The following GAS2 variants were observed in gnomAD, a reference collection of about 807,000 sequenced individuals.
GAS2 encodes the protein growth arrest-specific protein 2.
A neutral mutation model predicts 37.5 loss-of-function variants in GAS2; 20 were observed. The observed-to-expected ratio is 0.53, with a 90% confidence interval of 0.37 to 0.77. The LOEUF (loss-of-function observed/expected upper bound fraction) is 0.77. Ranked by LOEUF, GAS2 falls within the 30% of genes least tolerant of loss-of-function variation. The pLI is 0.00. For missense variants in GAS2, 336 were observed against 373.4 expected, an observed-to-expected ratio of 0.90 and a Z score of 0.82; for synonymous variants, 144 against 132.2, an observed-to-expected ratio of 1.09 and a Z score of -0.61.
chr11:22,667,736 G>A (rs138965896), intron 1 of GAS2, among the ~76,000 whole-genome samples: 29 of 152,306 alleles, frequency 1.9e-4, no homozygotes, highest in African/African-American at 5.5e-4. Context: ...GAGCAAAAGC[G>A]AGGGTTAACA....
chr11:22,653,075 T>C (rs1334961383), intron 1 of GAS2, among the ~76,000 whole-genome samples: 1 of 143,596 alleles, frequency 7.0e-6, no homozygotes, highest in Non-Finnish European at 1.6e-5. Context: ...TTTTGCTTTC[T>C]CTCTCTCTCC....
chr11:22,730,102 T>C (rs1433377893), intron 4 of GAS2, among the ~76,000 whole-genome samples: 2 of 151,810 alleles, frequency 1.3e-5, no homozygotes, highest in Admixed American at 1.3e-4. Flanking sequence ...TTCTTGAAAC[T>C]ATTTAAGGAT....
At chr11:22,776,533 G>A (rs147721845) in intron 7 of GAS2, among the ~76,000 whole-genome samples, 45 of 152,272 alleles carry the variant, frequency 3.0e-4, no homozygotes, top group African/African-American at 1.0e-3. Context: ...TTGTGATTGA[G>A]TTAAATCAGT....
At chr11:22,669,708 G>T (rs1057331224) in intron 1 of GAS2, among the ~76,000 whole-genome samples, 2 of 152,206 alleles carry the variant, frequency 1.3e-5, no homozygotes, top group Middle Eastern at 3.4e-3. Flanking sequence ...TTATTGTAAG[G>T]TTCCTTTCAA....
intron 6 of GAS2, among the ~76,000 whole-genome samples, chr11:22,753,338 C>T (rs554761959): frequency 1.3e-5 from 2 of 152,144 alleles, no homozygotes; most frequent in South Asian, 4.1e-4. Flanking sequence ...CAAAAACAGC[C>T]CTTGACTTTT....
At chr11:22,780,266 G>A (rs769452509) in intron 7 of GAS2, among the ~76,000 whole-genome samples, 4 of 152,146 alleles carry the variant, frequency 2.6e-5, no homozygotes, top group Non-Finnish European at 4.4e-5. Flanking sequence ...GAAGGCTGAG[G>A]CAGGTGGATC....
intron 6 of GAS2, among the ~76,000 whole-genome samples, chr11:22,752,689 G>GA (rs969330545): frequency 6.8e-4 from 101 of 147,488 alleles, no homozygotes; most frequent in Admixed American, 8.8e-4. Flanking sequence ...TAAAAGAAGG[G>GA]AAAAAAAAAC....
chr11:22,667,630 T>C (rs1038675203), intron 1 of GAS2, among the ~76,000 whole-genome samples: 1 of 152,236 alleles, frequency 6.6e-6, no homozygotes, highest in African/African-American at 2.4e-5. Flanking sequence ...ACATTATTTA[T>C]ACTGGCAAAA....
chr11:22,629,298 G>C (rs984819407), intron 1 of GAS2, among the ~76,000 whole-genome samples: 1 of 152,114 alleles, frequency 6.6e-6, no homozygotes, highest in South Asian at 2.1e-4. Context: ...CAGTGTATAA[G>C]CATTGCCTTT....
At chr11:22,755,118 T>G (rs1157022875) in intron 6 of GAS2, among the ~76,000 whole-genome samples, 1 of 152,120 alleles carries the variant, frequency 6.6e-6, no homozygotes, top group Non-Finnish European at 1.5e-5. Flanking sequence ...ATTCATAAGC[T>G]TTATGCACAT....
chr11:22,775,180 C>T (rs79204005), intron 7 of GAS2, among the ~76,000 whole-genome samples: 3,623 of 152,214 alleles, frequency 0.024, 51 homozygotes, highest in Non-Finnish European at 0.036. Flanking sequence ...AATTTTTAGA[C>T]GAGGAGAAAC....
At chr11:22,707,689 C>A (rs1382839158) in intron 3 of GAS2, among the ~76,000 whole-genome samples, 1 of 151,958 alleles carries the variant, frequency 6.6e-6, no homozygotes, top group African/African-American at 2.4e-5. Flanking sequence ...GGTGAGTGAA[C>A]CAAATATTAA....
intron 1 of GAS2, among the ~76,000 whole-genome samples, chr11:22,635,421 C>T (rs967431326): frequency 1.2e-4 from 19 of 152,206 alleles, no homozygotes; most frequent in Non-Finnish European, 1.5e-5. Context: ...CACCTGGCCC[C>T]TACACACTTG....
chr11:22,647,766 G>A (rs1449069886), intron 1 of GAS2, among the ~76,000 whole-genome samples: 4 of 152,028 alleles, frequency 2.6e-5, no homozygotes, highest in South Asian at 2.1e-4. Flanking sequence ...TTTTTGATGG[G>A]GTTGTTTGTT....
chr11:22,733,431 T>G (rs1385536371), intron 4 of GAS2, among the ~76,000 whole-genome samples: 1 of 151,814 alleles, frequency 6.6e-6, no homozygotes, highest in Admixed American at 6.6e-5. Context: ...ACCATTAATG[T>G]TGTAACCTCT....
intron 5 of GAS2, among the ~76,000 whole-genome samples, chr11:22,741,831 C>T (rs1375043713): frequency 6.6e-6 from 1 of 152,052 alleles, no homozygotes; most frequent in Non-Finnish European, 1.5e-5. Flanking sequence ...AATTATCTTG[C>T]AGGAATCTAT....
intron 1 of GAS2, among the ~76,000 whole-genome samples, chr11:22,645,721 A>G (rs973621630): frequency 1.3e-4 from 19 of 151,988 alleles, no homozygotes; most frequent in African/African-American, 4.1e-4. Flanking sequence ...AATTTTTGTT[A>G]GTCAAAATTG....
At chr11:22,639,564 A>G (rs1377116294) in intron 1 of GAS2, among the ~76,000 whole-genome samples, 2 of 152,190 alleles carry the variant, frequency 1.3e-5, no homozygotes, top group Non-Finnish European at 2.9e-5. Flanking sequence ...ACAAAAGGGG[A>G]AAATCGTCAA....
At chr11:22,785,610 A>C (rs755807573) in intron 7 of GAS2, among the ~76,000 whole-genome samples, 1 of 152,066 alleles carries the variant, frequency 6.6e-6, no homozygotes, top group Non-Finnish European at 1.5e-5. Context: ...TGCAGATTAC[A>C]AGTTTTGTGG....
Sources: gnomAD v4.1 joint callset for allele counts (sites outside exome capture counted in the v4.1 genomes callset) on GRCh38, gnomAD v4.1.1 for gene constraint, MANE v1.5 for transcripts, NCBI Gene and HGNC (gene_info 2026-07-23, HGNC 2026-07-21) for gene names.